SKAP1: variants seen among roughly 807,000 people sequenced by gnomAD.
SKAP1 encodes the protein src kinase associated phosphoprotein 1.
Under a neutral mutation model 58.5 loss-of-function variants are expected in SKAP1, and 44 were observed. That is an observed-to-expected ratio of 0.75 (90% CI 0.59 to 0.97). The LOEUF (loss-of-function observed/expected upper bound fraction) is 0.97, where lower values mean the gene tolerates loss of function less well. Ranked by LOEUF, SKAP1 falls within the 50% of genes least tolerant of loss-of-function variation. SKAP1 has a pLI of 0.00. For synonymous variants in SKAP1, 127 were observed against 149.7 expected, an observed-to-expected ratio of 0.85 and a Z score of 1.11; for missense variants, 390 against 435.2, an observed-to-expected ratio of 0.90 and a Z score of 0.92.
chr17:48,170,956 C>T (rs977091112), intron 9 of SKAP1, among the ~76,000 whole-genome samples: 16 of 152,050 alleles, frequency 1.1e-4, no homozygotes, highest in Admixed American at 4.6e-4. Flanking sequence ...ATCCACCCTC[C>T]TTGGCCTCCC....
the SKAP1 span, among the ~76,000 whole-genome samples, chr17:48,441,702 C>T: frequency 2.6e-5 from 4 of 152,152 alleles, no homozygotes; most frequent in Admixed American, 1.3e-4. Flanking sequence ...TGGTGTCCAA[C>T]ACAAAATCAC....
intron 1 of SKAP1, among the ~76,000 whole-genome samples, chr17:48,403,545 A>C (rs2144554871): frequency 6.6e-6 from 1 of 152,238 alleles, no homozygotes; most frequent in South Asian, 2.1e-4. Context: ...GCACCCAGAG[A>C]GAAAAAATAA....
chr17:48,309,031 A>C (rs2066186548), intron 4 of SKAP1, among the ~76,000 whole-genome samples: 1 of 152,084 alleles, frequency 6.6e-6, no homozygotes. Flanking sequence ...GATCGGGGTA[A>C]CTGACGGTGT....
upstream of SKAP1, among the ~76,000 whole-genome samples, chr17:48,431,117 A>G (rs576718395): frequency 2.0e-5 from 3 of 152,154 alleles, no homozygotes; most frequent in Non-Finnish European, 4.4e-5. Flanking sequence ...ATAAAGTGCT[A>G]TGGTTGATAA....
At chr17:48,265,839 A>G (rs1226541148) in intron 4 of SKAP1, among the ~76,000 whole-genome samples, 1 of 152,146 alleles carries the variant, frequency 6.6e-6, no homozygotes, top group Non-Finnish European at 1.5e-5. Context: ...GGAGCTGGCC[A>G]TGCTCCAAAT....
intron 4 of SKAP1, among the ~76,000 whole-genome samples, chr17:48,314,086 G>C (rs1372113564): frequency 1.3e-5 from 2 of 152,092 alleles, no homozygotes; most frequent in Admixed American, 1.3e-4. Flanking sequence ...TGAAATCACA[G>C]ATAGTTTTCA....
chr17:48,396,711 T>G lies in SKAP1; in HGVS notation c.121A>C (p.Ile41Leu). ...TTGATTTGCTGAAAGCCCCGTAGAATATGGTCTCTGTGATCCCTTGCAACA... is the reference window on the plus strand; with the variant it reads ...TTGATTTGCTGAAAGCCCCGTAGAAGATGGTCTCTGTGATCCCTTGCAACA... ...SAVARDHRDH[I>L]LRGFQQIKAR... is the part of the protein sequence containing the mutation. Residue 41 changes from isoleucine (I) to leucine (L), a missense_variant, in exon 2 of 13, where the codon ATT becomes CTT. Physicochemically the swap from Ile to Leu is conservative, Grantham distance 5. Coordinates refer to ENST00000336915, the MANE Select transcript of SKAP1 (RefSeq NM_003726.4). 2 of 1,613,362 alleles carry G rather than the reference T, an allele frequency of 1.2e-6. No homozygotes were observed. The highest frequency in any genetic ancestry group is 1.7e-6 in the Non-Finnish European group (2 of 1,179,464).
chr17:48,304,780 A>C (rs2144146120), intron 4 of SKAP1, among the ~76,000 whole-genome samples: 1 of 152,344 alleles, frequency 6.6e-6, no homozygotes, highest in Non-Finnish European at 1.5e-5. Context: ...TTGAATTCAA[A>C]GTAGTAACCC....
At chr17:48,348,718 A>G (rs975652488) in intron 3 of SKAP1, among the ~76,000 whole-genome samples, 10 of 152,216 alleles carry the variant, frequency 6.6e-5, no homozygotes, top group African/African-American at 2.4e-4. Flanking sequence ...CAGTTTTTAA[A>G]GTCTTACCCA....
At chr17:48,218,686 C>G (rs1277654194) in intron 4 of SKAP1, among the ~76,000 whole-genome samples, 1 of 152,160 alleles carries the variant, frequency 6.6e-6, no homozygotes, top group Non-Finnish European at 1.5e-5. Flanking sequence ...GGAAAGGGCA[C>G]ATTTTATTGT....
At chr17:48,158,567 C>CAAAAAAAAAAA (rs1171183021) in intron 11 of SKAP1, among the ~76,000 whole-genome samples, 1 of 61,520 alleles carries the variant, frequency 1.6e-5, no homozygotes, top group African/African-American at 6.8e-5. Context: ...GACTCTGTCT[C>CAAAAAAAAAAA]AAAAAAAAAA....
At chr17:48,348,023 A>T (rs2066745618) in intron 3 of SKAP1, among the ~76,000 whole-genome samples, 1 of 151,750 alleles carries the variant, frequency 6.6e-6, no homozygotes, top group African/African-American at 2.4e-5. Context: ...TTGCTTCAAA[A>T]ATGTGGCAAA....
chr17:48,390,651 G>C (rs540440068), intron 2 of SKAP1, among the ~76,000 whole-genome samples: 38 of 152,246 alleles, frequency 2.5e-4, no homozygotes, highest in African/African-American at 9.1e-4. Context: ...AGACTGTAAG[G>C]GTGCAAGTTC....
chr17:48,275,466 C>G (rs1286240846), intron 4 of SKAP1, among the ~76,000 whole-genome samples: 1 of 152,178 alleles, frequency 6.6e-6, no homozygotes, highest in African/African-American at 2.4e-5. Flanking sequence ...CCTTTATAGT[C>G]TCTCCCTGGA....
At chr17:48,205,009 CTTTCTT>C (rs775570785) in intron 4 of SKAP1, among the ~76,000 whole-genome samples, 2,415 of 32,372 alleles carry the variant, frequency 0.075, 43 homozygotes, top group East Asian at 0.1. Flanking sequence ...TTCTTTCTTT[CTTTCTT>C]TTTCTTTCTT....
Position 48,252,222 on chromosome 17 carries a change from G to T in SKAP1, c.281-62722C>A, listed in dbSNP as rs113883674. Among the ~76,000 whole-genome samples the T allele has an allele frequency of 4.7e-3, 620 of 132,664 alleles. 8 individuals carry two copies. The highest frequency in any genetic ancestry group is 0.015 in the African/African-American group (593 of 38,834). The allele number at this position is 132,664 out of a possible 152,430, so 87.0% of individuals were successfully genotyped here. A position where few individuals can be genotyped will look rare whatever the true frequency, so the allele number is the denominator to read the frequency against. On this transcript the variant is annotated intron_variant, in intron 4 of 12. Transcript: ENST00000336915. Reference sequence around the variant, plus strand: ...AAATAATATATGTAAGCGAGAATGGGGCAGAGAGAGAGAGAGAGAAACACA... The same window carrying T: ...AAATAATATATGTAAGCGAGAATGGTGCAGAGAGAGAGAGAGAGAAACACA...
chr17:48,375,659 A>G (rs1417924138), intron 2 of SKAP1, among the ~76,000 whole-genome samples: 1 of 152,238 alleles, frequency 6.6e-6, no homozygotes, highest in Non-Finnish European at 1.5e-5. Context: ...AATAGGCAAC[A>G]AACTATAATT....
intron 4 of SKAP1, among the ~76,000 whole-genome samples, chr17:48,269,962 A>T (rs1479225814): frequency 6.6e-6 from 1 of 151,994 alleles, no homozygotes; most frequent in Non-Finnish European, 1.5e-5. Context: ...AAAATACAAG[A>T]TTAGCCAGGC....
chr17:48,420,513 G>A (rs989273066), intron 1 of SKAP1, among the ~76,000 whole-genome samples: 1 of 152,138 alleles, frequency 6.6e-6, no homozygotes, highest in Admixed American at 6.5e-5. Flanking sequence ...GAAAGAAAGT[G>A]ACAATGAGAA....
Sources: allele counts gnomAD v4.1 joint callset (sites outside exome capture counted in the v4.1 genomes callset), GRCh38; gene constraint gnomAD v4.1.1; transcripts MANE v1.5; gene names NCBI Gene and HGNC (gene_info 2026-07-23, HGNC 2026-07-21).